KIAA1549L: variants seen among roughly 807,000 people sequenced by gnomAD.
KIAA1549L encodes the protein KIAA1549 like.
In KIAA1549L, 88 loss-of-function variants were observed where a neutral mutation model predicts 160.7. That is an observed-to-expected ratio of 0.55 (90% CI 0.46 to 0.65). The LOEUF is 0.65. KIAA1549L is among the 30% of genes least tolerant of loss of function. The probability of loss-of-function intolerance (pLI) is 0.00; values close to 1 mark genes in which losing one functional copy is unlikely to be tolerated. For synonymous variants in KIAA1549L, 950 were observed against 976.7 expected (o/e 0.97, Z 0.51); for missense variants, 2,258 against 2,437.5 (o/e 0.93, Z 1.55).
chr11:33,544,129 AGCTT>A lies in KIAA1549L; in HGVS notation c.2569_2572del (p.Leu857ArgfsTer87). 6.2e-7 allele frequency: 1 copy of A among 1,614,050 alleles called. No homozygotes were observed. The highest frequency in any genetic ancestry group is 1.1e-5 in the South Asian group (1 of 91,090). ...CTCACCAGGACCAACTTCTACAGGT[AGCTT>A]GCAGGAAATGCTTTCAGATGGAACA... On this transcript the variant is annotated frameshift_variant, in exon 2 of 21. Transcript: ENST00000658780. LOFTEE classifies it high-confidence loss of function.
In KIAA1549L at chr11:33,511,603, A is replaced by G. The variant is rs139356188; in HGVS notation, c.239-30199A>G. 1.6e-3 allele frequency among the ~76,000 whole-genome samples: 239 copies of G among 152,338 alleles called. 1 individual carries two copies. The highest frequency in any genetic ancestry group is 2.4e-3 in the Non-Finnish European group (163 of 68,030). On this transcript the variant is annotated intron_variant, in intron 1 of 20. Coordinates refer to ENST00000658780, the MANE Select transcript of KIAA1549L (RefSeq NM_012194.3). ...GTGGTTGCCCAGGTGAATCTGAGCT[A>G]TCTGGTAAAATGCAGAGCCTTGGTG...
intron 1 of KIAA1549L, among the ~76,000 whole-genome samples, chr11:33,377,940 G>A (rs142841290): frequency 6.6e-6 from 1 of 152,320 alleles, no homozygotes; most frequent in African/African-American, 2.4e-5. Context: ...GTCACTGACA[G>A]GTGGTGCTTG....
At chr11:33,483,889 C>T (rs913741318) in intron 1 of KIAA1549L, among the ~76,000 whole-genome samples, 8 of 152,156 alleles carry the variant, frequency 5.3e-5, no homozygotes, top group African/African-American at 1.9e-4. Context: ...CTTGATATGT[C>T]TTTATCAGCA....
At position 33,674,079 on chromosome 11, in the gene KIAA1549L, G is replaced by C. The variant is rs1010084837; in HGVS notation, c.*5925G>C. 3 of 152,148 alleles carry C rather than the reference G, an allele frequency of 2.0e-5. No individual in the cohort carries two copies. Among genetic ancestry groups the C allele is most frequent in the Non-Finnish European group, 4.4e-5 (3 of 68,006 alleles). 9.4% of individuals were successfully genotyped at this position (152,148 alleles called of 1,614,324 possible). ...AGAATTTTTTATTGTAAAATAAAAT[G>C]ACAAAGGCTTTCATACCCCAAAACC... On this transcript the variant is annotated 3_prime_UTR_variant, in exon 21 of 21. Coordinates refer to ENST00000658780, the MANE Select transcript of KIAA1549L (RefSeq NM_012194.3).
At chr11:33,592,497 T>C (rs1049405214) in intron 12 of KIAA1549L, among the ~76,000 whole-genome samples, 1 of 152,184 alleles carries the variant, frequency 6.6e-6, no homozygotes, top group African/African-American at 2.4e-5. Context: ...GAGACTACTA[T>C]GGAGACTGAA....
At chr11:33,497,324 CAACT>C in intron 1 of KIAA1549L, among the ~76,000 whole-genome samples, 1 of 152,258 alleles carries the variant, frequency 6.6e-6, no homozygotes, top group East Asian at 1.9e-4. Context: ...CAACATTCAC[CAACT>C]AACTTAAGTT....
chr11:33,668,932 C>T lies in KIAA1549L; in HGVS notation c.*778C>T, dbSNP rs1472658212. ...AATCGGTGCTAAGAGCTTTTAGGAT[C>T]CTACAAAAGAAACACAGTTATTTGT... On this transcript the variant is annotated 3_prime_UTR_variant, in exon 21 of 21. Transcript: ENST00000658780. The T allele has an allele frequency of 6.6e-6, 1 of 152,168 alleles. No individual in the cohort carries two copies. The highest frequency in any genetic ancestry group is 1.5e-5 in the Non-Finnish European group (1 of 68,024). The allele number at this position is 152,168 out of a possible 1,614,324, so 9.4% of individuals were successfully genotyped here.
In KIAA1549L at chr11:33,606,782, C is replaced by T. The variant is rs181932875; in HGVS notation, c.5021C>T (p.Ser1674Leu). The change falls in exon 14 of 21, where the codon TCG becomes TTG. Residue 1674 changes from serine to leucine, a missense_variant. Transcript: ENST00000658780. ...PTALPMVPPT[S>L]DRSQESSAVL... is the part of the protein sequence containing the mutation. ...GCCCTCCCCATGGTGCCCCCCACCT[C>T]GGACAGGAGCCAGGAGTCATCGGCA... 4.7e-4 allele frequency: 757 copies of T among 1,612,926 alleles called. 5 individuals are homozygous for T. The highest frequency in any genetic ancestry group is 3.8e-3 in the South Asian group (342 of 90,788).
chr11:33,666,816 A>T (rs919991102), intron 20 of KIAA1549L, among the ~76,000 whole-genome samples: 1 of 152,222 alleles, frequency 6.6e-6, no homozygotes, highest in African/African-American at 2.4e-5. Context: ...CTCTGCAAAG[A>T]GTGTCTTGGT....
intron 1 of KIAA1549L, among the ~76,000 whole-genome samples, chr11:33,485,226 C>A (rs972082519): frequency 4.6e-5 from 7 of 152,300 alleles, no homozygotes; most frequent in Middle Eastern, 3.4e-3. Flanking sequence ...TGTCAACTTG[C>A]CCCTTTCGAG....
chr11:33,474,788 G>A (rs1256586553), intron 1 of KIAA1549L, among the ~76,000 whole-genome samples: 1 of 152,236 alleles, frequency 6.6e-6, no homozygotes, highest in Non-Finnish European at 1.5e-5. Flanking sequence ...CGAAATGGCT[G>A]CAGCCTAATT....
chr11:33,528,760 G>A (rs191944769), intron 1 of KIAA1549L, among the ~76,000 whole-genome samples: 19 of 152,310 alleles, frequency 1.2e-4, no homozygotes, highest in Middle Eastern at 6.8e-3. Flanking sequence ...TCACTTATAA[G>A]CAGAAGCTAA....
At chr11:33,409,241 T>C (rs1254670722) in intron 1 of KIAA1549L, among the ~76,000 whole-genome samples, 2 of 152,180 alleles carry the variant, frequency 1.3e-5, no homozygotes, top group Admixed American at 1.3e-4. Flanking sequence ...CCCAGTGTTT[T>C]TGAGGTCCTA....
Position 33,450,224 on chromosome 11 carries a change from C to T in KIAA1549L, c.238+73335C>T, listed in dbSNP as rs371239437. Among the ~76,000 whole-genome samples, 54 of 152,104 alleles carry T rather than the reference C, an allele frequency of 3.6e-4. 1 individual carries two copies. In the South Asian group the frequency reaches 4.2e-3, roughly 12 times the overall value. On this transcript the variant is annotated intron_variant, in intron 1 of 20. Coordinates refer to ENST00000658780, the MANE Select transcript of KIAA1549L (RefSeq NM_012194.3). ...CGCAGCCACTTGGGATGAAAATGGG[C>T]GAGTTGGGCTTTCCATTTAGGTGCA...
At chr11:33,482,505 C>G (rs1054795227) in intron 1 of KIAA1549L, among the ~76,000 whole-genome samples, 7 of 151,304 alleles carry the variant, frequency 4.6e-5, no homozygotes, top group African/African-American at 1.5e-4. Flanking sequence ...GAATTTTACT[C>G]GGTTCCTTTT....
chr11:33,489,338 G>C (rs1394638438), intron 1 of KIAA1549L, among the ~76,000 whole-genome samples: 1 of 152,168 alleles, frequency 6.6e-6, no homozygotes, highest in Admixed American at 6.5e-5. Context: ...GAGGGAGAGA[G>C]AGGGAAAGAT....
chr11:33,454,994 C>T (rs1258433707), intron 1 of KIAA1549L, among the ~76,000 whole-genome samples: 2 of 152,108 alleles, frequency 1.3e-5, no homozygotes, highest in Admixed American at 6.5e-5. Flanking sequence ...GAGGCTGAGG[C>T]AGGAGAATGG....
intron 16 of KIAA1549L, among the ~76,000 whole-genome samples, chr11:33,634,678 A>C (rs1275504941): frequency 6.6e-6 from 1 of 152,120 alleles, no homozygotes; most frequent in Non-Finnish European, 1.5e-5. Flanking sequence ...TAATGCTGAG[A>C]GCATTGGAGC....
chr11:33,566,563 CTTTT>C (rs1245241619), intron 8 of KIAA1549L, among the ~76,000 whole-genome samples: 1 of 152,206 alleles, frequency 6.6e-6, no homozygotes, highest in Non-Finnish European at 1.5e-5. Context: ...AAGAGAGCTG[CTTTT>C]ATACCCTCCA....
Sources: gnomAD v4.1 joint callset for allele counts (sites outside exome capture counted in the v4.1 genomes callset) on GRCh38, gnomAD v4.1.1 for gene constraint, MANE v1.5 for transcripts, NCBI Gene and HGNC (gene_info 2026-07-23, HGNC 2026-07-21) for gene names.